The following C1orf146 variants were observed in gnomAD, a reference collection of about 807,000 sequenced individuals.
C1orf146 encodes protein SPO16 homolog.
Under a neutral mutation model 23.0 loss-of-function variants are expected in C1orf146, and 22 were observed. The observed-to-expected ratio is 0.96, with a 90% CI of 0.68 to 1.36. The LOEUF is 1.36. C1orf146 is among the 40% of genes most tolerant of loss of function. The pLI is 0.00. For synonymous variants in C1orf146, 59 were observed against 65.3 expected (o/e 0.90, Z 0.47); for missense variants, 199 against 206.8 (o/e 0.96, Z 0.23).
At chr1:92,245,442 G>T (rs1281150845) in intron 5 of C1orf146, 98 bp from the exon 6 acceptor site, 14 of 910,348 alleles carry the variant, frequency 1.5e-5, no homozygotes, top group Middle Eastern at 3.1e-4. Flanking sequence ...ATGATCAAGA[G>T]ATTTGCTGAA....
chr1:92,220,232 G>T (rs919608499), intron 1 of C1orf146, among the ~76,000 whole-genome samples: 4 of 152,164 alleles, frequency 2.6e-5, no homozygotes, highest in Admixed American at 6.5e-5. Context: ...AAATCTGGGT[G>T]CTAGGTGTAC....
intron 1 of C1orf146, among the ~76,000 whole-genome samples, chr1:92,220,624 T>C (rs1430437417): frequency 6.6e-6 from 1 of 152,236 alleles, no homozygotes; most frequent in Non-Finnish European, 1.5e-5. Flanking sequence ...ACCAGTCATA[T>C]ATGAAGTCCA....
intron 2 of C1orf146, among the ~76,000 whole-genome samples, chr1:92,235,883 T>C (rs1312016718): frequency 6.6e-6 from 1 of 152,114 alleles, no homozygotes; most frequent in Non-Finnish European, 1.5e-5. Flanking sequence ...TTTGTCTCTT[T>C]TGATCTTTGT....
At chr1:92,241,917 T>A (rs1652439373) in intron 2 of C1orf146, among the ~76,000 whole-genome samples, 1 of 152,162 alleles carries the variant, frequency 6.6e-6, no homozygotes, top group Non-Finnish European at 1.5e-5. Flanking sequence ...AAAAAGAAAT[T>A]TGCATTTGCT....
intron 2 of C1orf146, among the ~76,000 whole-genome samples, chr1:92,235,834 T>C (rs1194272794): frequency 1.3e-5 from 2 of 152,212 alleles, no homozygotes; most frequent in African/African-American, 4.8e-5. Context: ...TTAGCTCCTC[T>C]TGTTGAATTG....
chr1:92,242,149 C>T (rs1652446435), intron 2 of C1orf146, 63 bp from the exon 3 acceptor site: 2 of 817,878 alleles, frequency 2.4e-6, no homozygotes, highest in Admixed American at 2.7e-5. Flanking sequence ...TTAATTTTTT[C>T]TTTAGCTTTA....
intron 2 of C1orf146, among the ~76,000 whole-genome samples, chr1:92,239,364 T>A (rs1274349062): frequency 1.3e-5 from 2 of 152,234 alleles, no homozygotes; most frequent in Non-Finnish European, 2.9e-5. Context: ...CCTAGAATAG[T>A]GCTATCTTCC....
At chr1:92,229,216 T>A (rs1305658155) in intron 1 of C1orf146, 2 of 549,676 alleles carry the variant, frequency 3.6e-6, no homozygotes, top group Non-Finnish European at 7.4e-6. Flanking sequence ...CTGTTGGTGA[T>A]GTCTGGGTAC....
At chr1:92,234,326 GTTGAATT>G (rs1652216925) in intron 2 of C1orf146, among the ~76,000 whole-genome samples, 1 of 152,200 alleles carries the variant, frequency 6.6e-6, no homozygotes, top group African/African-American at 2.4e-5. Context: ...ATGAAGGGTT[GTTGAATT>G]TTGTCAAAGA....
intron 1 of C1orf146, among the ~76,000 whole-genome samples, chr1:92,222,616 T>G (rs1651857169): frequency 6.7e-6 from 1 of 149,592 alleles, no homozygotes; most frequent in Non-Finnish European, 1.5e-5. Context: ...AGACGGAGTC[T>G]TGCTCTGTTG....
chr1:92,221,436 C>A (rs1651815204), intron 1 of C1orf146, among the ~76,000 whole-genome samples: 1 of 152,196 alleles, frequency 6.6e-6, no homozygotes, highest in African/African-American at 2.4e-5. Context: ...CAACATCACA[C>A]AATATACCCA....
intron 3 of C1orf146, 28 bp downstream of exon 3, chr1:92,242,333 GT>G (rs774384890): frequency 1.7e-6 from 2 of 1,180,662 alleles, no homozygotes; most frequent in South Asian, 2.7e-5. Flanking sequence ...ACTGCCTTAA[GT>G]TTCTTATGAA....
intron 1 of C1orf146, among the ~76,000 whole-genome samples, chr1:92,222,522 TA>T (rs1367593141): frequency 6.0e-5 from 9 of 149,918 alleles, no homozygotes; most frequent in African/African-American, 2.2e-4. Context: ...TTTTTCCCAT[TA>T]TCCCTTCTTC....
At chr1:92,226,396 C>T (rs1271681352) in intron 1 of C1orf146, among the ~76,000 whole-genome samples, 2 of 148,748 alleles carry the variant, frequency 1.3e-5, no homozygotes, top group African/African-American at 4.9e-5. Flanking sequence ...TACATGCACG[C>T]ATGCACACAC....
chr1:92,222,631 G>C (rs539461069), intron 1 of C1orf146, among the ~76,000 whole-genome samples: 1 of 141,002 alleles, frequency 7.1e-6, no homozygotes, highest in South Asian at 2.2e-4. Context: ...CTGTTGCCCA[G>C]GCTGGAGTGC....
At chr1:92,226,350 A>G (rs1244581620) in intron 1 of C1orf146, among the ~76,000 whole-genome samples, 1 of 151,976 alleles carries the variant, frequency 6.6e-6, no homozygotes, top group African/African-American at 2.4e-5. Context: ...CTTTGCACCA[A>G]TATAGCTCCA....
intron 1 of C1orf146, among the ~76,000 whole-genome samples, chr1:92,227,318 G>A (rs1316414938): frequency 1.5e-4 from 23 of 152,034 alleles, no homozygotes; most frequent in East Asian, 3.9e-4. Flanking sequence ...CGAGGCGGGC[G>A]GATCACGAAG....
intron 3 of C1orf146, among the ~76,000 whole-genome samples, chr1:92,243,956 GA>G (rs35711025): frequency 5.5e-4 from 76 of 137,294 alleles, no homozygotes; most frequent in Middle Eastern, 3.6e-3. Context: ...CTTCATCTAG[GA>G]AAAAAAAAAA....
At chr1:92,222,543 T>TTC (rs1557484118) in intron 1 of C1orf146, among the ~76,000 whole-genome samples, 1 of 150,180 alleles carries the variant, frequency 6.7e-6, no homozygotes, top group Non-Finnish European at 1.5e-5. Flanking sequence ...CGGTTTTTTT[T>TTC]TTTTTTTTTT....
Sources: gnomAD v4.1 joint callset for allele counts (sites outside exome capture counted in the v4.1 genomes callset) on GRCh38, gnomAD v4.1.1 for gene constraint, MANE v1.5 for transcripts, NCBI Gene and HGNC (gene_info 2026-07-23, HGNC 2026-07-21) for gene names.